RGPD1: variants seen among roughly 807,000 people sequenced by gnomAD.
The protein encoded by RGPD1 is RANBP2-like and GRIP domain-containing protein 1.
In RGPD1, 7 loss-of-function variants were observed where a neutral mutation model predicts 40.6. The observed-to-expected ratio is 0.17, with a 90% confidence interval of 0.10 to 0.32. The LOEUF is 0.32. Among genes scored for constraint, RGPD1 ranks in the 10% least tolerant of loss-of-function variants. The pLI, the probability that RGPD1 is intolerant of heterozygous loss-of-function variation, is 1.00. For missense variants in RGPD1, 50 were observed against 472.5 expected (o/e 0.11, Z 8.29); for synonymous variants, 24 against 167.0 (o/e 0.14, Z 6.60).
chr2:86,915,027 G>A (rs1667241651), intron 1 of RGPD1, among the ~76,000 whole-genome samples: 1 of 149,950 alleles, frequency 6.7e-6, no homozygotes, highest in African/African-American at 2.4e-5. Context: ...TGGGCATGGT[G>A]GCTCACACCT....
chr2:86,941,794 C>T (rs1190669506), upstream of RGPD1, among the ~76,000 whole-genome samples: 3 of 150,382 alleles, frequency 2.0e-5, no homozygotes, highest in Admixed American at 6.6e-5. Flanking sequence ...CACTGCAACC[C>T]TCGCCTCTCA....
At chr2:86,945,602 G>C (rs569995365) in intron 1 of RGPD1, among the ~76,000 whole-genome samples, 225 of 152,122 alleles carry the variant, frequency 1.5e-3, no homozygotes, top group African/African-American at 4.7e-3. Context: ...TGCCATTTTT[G>C]TACTCCCTCA....
upstream of RGPD1, among the ~76,000 whole-genome samples, chr2:86,939,449 C>T (rs1296927448): frequency 2.7e-5 from 4 of 149,838 alleles, no homozygotes; most frequent in African/African-American, 9.9e-5. Flanking sequence ...TGTGATGGCA[C>T]GTACCTGTAA....
At chr2:86,930,026 C>A (rs1284146175) in intron 1 of RGPD1, among the ~76,000 whole-genome samples, 4 of 144,096 alleles carry the variant, frequency 2.8e-5, no homozygotes, top group Non-Finnish European at 6.2e-5. Context: ...TCCTCCAGAT[C>A]TGGCAGGGTG....
At chr2:86,929,455 T>C (rs1249883751) in intron 1 of RGPD1, among the ~76,000 whole-genome samples, 2 of 151,674 alleles carry the variant, frequency 1.3e-5, no homozygotes, top group African/African-American at 4.8e-5. Context: ...AAATGTTAAT[T>C]CATGTTCAAA....
chr2:86,913,953 G>T, intron 1 of RGPD1: 3 of 1,295,890 alleles, frequency 2.3e-6, no homozygotes, highest in South Asian at 2.8e-5. Flanking sequence ...CGACGGCCTC[G>T]ACCTGGCGGG....
rs1171055124 is a variant in RGPD1, at chr2:86,960,571, A to C, written c.779+2144A>C. Among the ~76,000 whole-genome samples the C allele has an allele frequency of 3.4e-4, 41 of 120,636 alleles. 2 individuals carry two copies. Among genetic ancestry groups the C allele is most frequent in the Non-Finnish European group, 3.8e-4 (23 of 60,764 alleles). 79.1% of individuals were successfully genotyped at this position (120,636 alleles called of 152,430 possible). Reference sequence around the variant, plus strand: ...TTTTTAGTAGAAACAGGGTTTCATCATGTTGGCCAGGATGGTCTCGATCTT... The same window carrying C: ...TTTTTAGTAGAAACAGGGTTTCATCCTGTTGGCCAGGATGGTCTCGATCTT... On this transcript the variant is annotated intron_variant, in intron 6 of 22. Coordinates refer to ENST00000641458, the MANE Select transcript of RGPD1 (RefSeq NM_001382344.1).
At chr2:86,918,452 T>TC (rs1558781873) in intron 1 of RGPD1, among the ~76,000 whole-genome samples, 17 of 119,000 alleles carry the variant, frequency 1.4e-4, no homozygotes, top group Middle Eastern at 3.9e-3. Context: ...GCACACCAAA[T>TC]CTTTTTTTTT....
intron 22 of RGPD1, among the ~76,000 whole-genome samples, chr2:87,009,036 T>C (rs987642024): frequency 3.3e-5 from 5 of 149,828 alleles, no homozygotes; most frequent in Non-Finnish European, 5.9e-5. Flanking sequence ...CCAGGCATGG[T>C]GGCTTACGCC....
upstream of RGPD1, among the ~76,000 whole-genome samples, chr2:86,941,708 G>T (rs566670161): frequency 6.9e-6 from 1 of 145,422 alleles, no homozygotes; most frequent in South Asian, 2.1e-4. Context: ...TGCGGGATTT[G>T]AGAATGCGCT....
chr2:86,926,566 A>G (rs1340712321), intron 1 of RGPD1, among the ~76,000 whole-genome samples: 1 of 152,126 alleles, frequency 6.6e-6, no homozygotes, highest in African/African-American at 2.4e-5. Flanking sequence ...CTGTACTACA[A>G]GAACAACAAA....
chr2:86,941,007 T>C (rs993028163), upstream of RGPD1, among the ~76,000 whole-genome samples: 1 of 151,428 alleles, frequency 6.6e-6, no homozygotes, highest in African/African-American at 2.4e-5. Context: ...GTTTTTCCTT[T>C]TTTAGAAAGG....
intron 1 of RGPD1, among the ~76,000 whole-genome samples, chr2:86,929,508 C>T (rs1038781761): frequency 3.6e-4 from 55 of 151,850 alleles, no homozygotes; most frequent in African/African-American, 1.3e-3. Flanking sequence ...TGCTATGTGA[C>T]AAGTACTGTT....
At chr2:86,942,581 A>T (rs1203720654) in intron 1 of RGPD1, among the ~76,000 whole-genome samples, 1 of 85,010 alleles carries the variant, frequency 1.2e-5, no homozygotes, top group East Asian at 3.3e-4. Flanking sequence ...GGCGGCCTCG[A>T]TGGCTCAGGC....
At chr2:87,009,141 T>C (rs1189048311) in intron 22 of RGPD1, among the ~76,000 whole-genome samples, 1 of 95,020 alleles carries the variant, frequency 1.1e-5, no homozygotes, top group Non-Finnish European at 2.1e-5. Context: ...CTGTCTCTAC[T>C]AAAAATACAA....
intron 1 of RGPD1, among the ~76,000 whole-genome samples, chr2:86,923,069 G>A (rs1368030105): frequency 9.1e-6 from 1 of 110,248 alleles, no homozygotes; most frequent in Non-Finnish European, 1.7e-5. Context: ...ACGGAGTATC[G>A]TTCTTGTTGC....
chr2:86,942,335 G>T, intron 1 of RGPD1, 27 bp downstream of exon 1: 10 of 971,058 alleles, frequency 1.0e-5, no homozygotes, highest in Non-Finnish European at 1.0e-5. Flanking sequence ...GAGACCGACG[G>T]CCTCGACCTG....
At chr2:86,942,341 ACC>A in intron 1 of RGPD1, 33 bp downstream of exon 1, 1 of 960,224 alleles carries the variant, frequency 1.0e-6, no homozygotes, top group South Asian at 2.2e-5. Flanking sequence ...GACGGCCTCG[ACC>A]TGGCCGGGCG....
intron 1 of RGPD1, among the ~76,000 whole-genome samples, chr2:86,931,958 T>C (rs76923515): frequency 1.4e-5 from 2 of 143,786 alleles, no homozygotes; most frequent in Non-Finnish European, 3.1e-5. Context: ...TTATATTCAT[T>C]ATATATATAT....
Sources: gnomAD v4.1 joint callset for allele counts (sites outside exome capture counted in the v4.1 genomes callset) on GRCh38, gnomAD v4.1.1 for gene constraint, MANE v1.5 for transcripts, NCBI Gene and HGNC (gene_info 2026-07-23, HGNC 2026-07-21) for gene names.